The following CNTN4 variants were observed in gnomAD, a reference collection of about 807,000 sequenced individuals.
The protein encoded by CNTN4 is contactin-4.
Under a neutral mutation model 122.5 loss-of-function variants are expected in CNTN4, and 77 were observed. That is an observed-to-expected ratio of 0.63 (90% CI 0.52 to 0.76). The LOEUF (loss-of-function observed/expected upper bound fraction) is 0.76. Ranked by LOEUF, CNTN4 falls within the 30% of genes least tolerant of loss-of-function variation. CNTN4 has a pLI of 0.00. For missense variants in CNTN4, 1,256 were observed against 1,259.1 expected, an observed-to-expected ratio of 1.00 and a Z score of 0.04; for synonymous variants, 512 against 447.0, an observed-to-expected ratio of 1.15 and a Z score of -1.83.
At position 2,490,712 on chromosome 3, in the gene CNTN4, A is replaced by G. The variant is rs181735211; in HGVS notation, c.-88-80704A>G. Among the ~76,000 whole-genome samples the G allele has an allele frequency of 3.4e-4, 52 of 152,298 alleles. No individual in the cohort carries two copies. The Middle Eastern group carries it at 0.01, about 30-fold the overall frequency. On this transcript the variant is annotated intron_variant, in intron 3 of 24. Coordinates refer to ENST00000418658, the MANE Select transcript of CNTN4 (RefSeq NM_175607.3). ...CTACTTTGTATGTATTATTAAATTT[A>G]TCTTATAGGAAAAATCTCACCCTGA...
chr3:2,787,162 A>G (rs974887700), intron 6 of CNTN4, among the ~76,000 whole-genome samples: 44 of 152,282 alleles, frequency 2.9e-4, no homozygotes, highest in African/African-American at 1.0e-3. Flanking sequence ...GGATCACCTG[A>G]GGTCAGGAGT....
intron 2 of CNTN4, among the ~76,000 whole-genome samples, chr3:2,139,571 A>G (rs534780092): frequency 1.8e-4 from 27 of 152,348 alleles, no homozygotes; most frequent in African/African-American, 5.8e-4. Flanking sequence ...GAAACTGCCA[A>G]CTACCTCGAG....
intron 12 of CNTN4, among the ~76,000 whole-genome samples, chr3:2,925,233 A>G (rs987596602): frequency 2.0e-5 from 3 of 152,334 alleles, no homozygotes; most frequent in Middle Eastern, 6.8e-3. Flanking sequence ...CCTCCCTTTG[A>G]TGACCAAGGT....
intron 2 of CNTN4, among the ~76,000 whole-genome samples, chr3:2,333,213 A>C (rs2043809656): frequency 6.6e-6 from 1 of 152,214 alleles, no homozygotes; most frequent in Non-Finnish European, 1.5e-5. Context: ...CTAGGCTCTT[A>C]AGTGTCTTCC....
At chr3:2,876,363 G>A (rs1396375272) in intron 8 of CNTN4, among the ~76,000 whole-genome samples, 2 of 152,174 alleles carry the variant, frequency 1.3e-5, no homozygotes, top group African/African-American at 4.8e-5. Flanking sequence ...GAATTTGTGT[G>A]ACTAATTGGA....
At chr3:2,340,361 A>G (rs2044136701) in intron 3 of CNTN4, among the ~76,000 whole-genome samples, 1 of 152,012 alleles carries the variant, frequency 6.6e-6, no homozygotes, top group Admixed American at 6.6e-5. Flanking sequence ...TTATCTCTTG[A>G]TGGCCAGCTT....
chr3:2,293,888 G>A (rs2150015654), intron 2 of CNTN4, among the ~76,000 whole-genome samples: 2 of 152,208 alleles, frequency 1.3e-5, no homozygotes, highest in South Asian at 4.1e-4. Flanking sequence ...AAACTCAGTG[G>A]CCTAAATCAT....
chr3:2,219,728 A>G (rs2038987772), intron 2 of CNTN4, among the ~76,000 whole-genome samples: 2 of 152,166 alleles, frequency 1.3e-5, no homozygotes, highest in African/African-American at 4.8e-5. Context: ...AGAACTCATA[A>G]TAGTTATTCA....
intron 13 of CNTN4, among the ~76,000 whole-genome samples, chr3:2,975,574 A>T (rs1693345409): frequency 6.6e-6 from 1 of 152,164 alleles, no homozygotes. Context: ...CCATGCGCCC[A>T]ATACTCAACT....
intron 4 of CNTN4, among the ~76,000 whole-genome samples, chr3:2,573,380 G>A (rs1306249352): frequency 6.6e-6 from 1 of 152,028 alleles, no homozygotes; most frequent in East Asian, 1.9e-4. Flanking sequence ...TCCCCCATCT[G>A]GTCAGAGCCT....
intron 14 of CNTN4, 129 bp from the exon 15 acceptor site, chr3:3,025,973 G>A: frequency 2.2e-6 from 2 of 889,486 alleles, no homozygotes; most frequent in African/African-American, 1.7e-5. Flanking sequence ...AGGTTTGCTG[G>A]TCACAGCCTC....
chr3:2,333,814 G>C (rs1279487014), intron 2 of CNTN4, among the ~76,000 whole-genome samples: 3 of 152,140 alleles, frequency 2.0e-5, no homozygotes, highest in Non-Finnish European at 4.4e-5. Flanking sequence ...ATCAAGCAAA[G>C]CTAATGGAAA....
intron 2 of CNTN4, among the ~76,000 whole-genome samples, chr3:2,204,215 G>C (rs1039473521): frequency 6.6e-6 from 1 of 151,968 alleles, no homozygotes; most frequent in Admixed American, 6.6e-5. Flanking sequence ...TTAATAAATA[G>C]GTTCAGTAAA....
At chr3:2,229,467 C>G (rs113777454) in intron 2 of CNTN4, among the ~76,000 whole-genome samples, 4,858 of 152,074 alleles carry the variant, frequency 0.032, 261 homozygotes, top group African/African-American at 0.11. Context: ...TGAATAGGCC[C>G]TTAGAAAAAT....
intron 2 of CNTN4, among the ~76,000 whole-genome samples, chr3:2,329,440 C>T (rs1017039535): frequency 3.3e-5 from 5 of 152,166 alleles, no homozygotes; most frequent in South Asian, 2.1e-4. Context: ...ATAGGATAAA[C>T]GCTCAACGAA....
At chr3:2,153,332 AAGGAAAAT>A (rs1271184003) in intron 2 of CNTN4, among the ~76,000 whole-genome samples, 83 of 152,284 alleles carry the variant, frequency 5.5e-4, no homozygotes, top group African/African-American at 1.9e-3. Context: ...CATGAGGAGG[AAGGAAAAT>A]GCCCTACAAA....
intron 3 of CNTN4, among the ~76,000 whole-genome samples, chr3:2,533,131 CTTT>C (rs35576083): frequency 7.3e-6 from 1 of 137,742 alleles, no homozygotes; most frequent in Non-Finnish European, 1.6e-5. Flanking sequence ...ATTGATTCTT[CTTT>C]TTTTTTTTTT....
At chr3:2,507,734 C>CAAAAAAAAAAAAAA (rs34779120) in intron 3 of CNTN4, among the ~76,000 whole-genome samples, 1 of 108,808 alleles carries the variant, frequency 9.2e-6, no homozygotes, top group African/African-American at 3.5e-5. Flanking sequence ...GACTTTGTCT[C>CAAAAAAAAAAAAAA]AAAAAAAAAA....
At chr3:2,638,978 C>T (rs2082783501) in intron 4 of CNTN4, among the ~76,000 whole-genome samples, 2 of 152,142 alleles carry the variant, frequency 1.3e-5, no homozygotes, top group African/African-American at 2.4e-5. Flanking sequence ...TATTAAAATA[C>T]CCTCCTCATT....
Sources: allele counts gnomAD v4.1 joint callset (sites outside exome capture counted in the v4.1 genomes callset), GRCh38; gene constraint gnomAD v4.1.1; transcripts MANE v1.5; gene names NCBI Gene and HGNC (gene_info 2026-07-23, HGNC 2026-07-21).